Variants in EFCAB5 observed in about 807,000 individuals in gnomAD.
EFCAB5 encodes the protein EF-hand calcium-binding domain-containing protein 5.
A neutral mutation model predicts 167.9 loss-of-function variants in EFCAB5; 131 were observed. The ratio of observed to expected loss-of-function variants is 0.78; its 90% CI spans 0.68 to 0.90. The LOEUF (loss-of-function observed/expected upper bound fraction) is 0.90, where lower values mean the gene tolerates loss of function less well. Among genes scored for constraint, EFCAB5 ranks in the 40% least tolerant of loss-of-function variants. The probability of loss-of-function intolerance (pLI) is 0.00; values close to 1 mark genes in which losing one functional copy is unlikely to be tolerated. For synonymous variants in EFCAB5, 574 were observed against 602.8 expected (o/e 0.95, Z 0.70); for missense variants, 1,663 against 1,745.2 (o/e 0.95, Z 0.84).
intron 8 of EFCAB5, among the ~76,000 whole-genome samples, chr17:30,041,562 A>G (rs561791013): frequency 6.6e-6 from 1 of 152,352 alleles, no homozygotes; most frequent in South Asian, 2.1e-4. Flanking sequence ...TGAAATGACA[A>G]CAAAGGATTT....
intron 14 of EFCAB5, among the ~76,000 whole-genome samples, chr17:30,062,748 T>C (rs2070458566): frequency 6.6e-6 from 1 of 152,122 alleles, no homozygotes; most frequent in Non-Finnish European, 1.5e-5. Context: ...CTGCAAGCAC[T>C]CTTCCACATG....
chr17:29,949,155 A>G (rs1490989414), intron 3 of EFCAB5, among the ~76,000 whole-genome samples: 1 of 152,208 alleles, frequency 6.6e-6, no homozygotes, highest in Non-Finnish European at 1.5e-5. Context: ...TATGAATTAT[A>G]ATTCATTCCT....
intron 7 of EFCAB5, among the ~76,000 whole-genome samples, chr17:30,001,949 G>C (rs779703282): frequency 4.6e-5 from 7 of 152,192 alleles, no homozygotes; most frequent in Non-Finnish European, 7.3e-5. Flanking sequence ...CAGCACATAA[G>C]TGACAGAGCT....
intron 4 of EFCAB5, among the ~76,000 whole-genome samples, chr17:29,989,364 G>T (rs2068361350): frequency 6.6e-6 from 1 of 152,174 alleles, no homozygotes; most frequent in Non-Finnish European, 1.5e-5. Flanking sequence ...TTACGAGTAG[G>T]TTCAATTGCT....
chr17:29,942,645 T>C (rs2067316441), intron 2 of EFCAB5, among the ~76,000 whole-genome samples: 1 of 152,198 alleles, frequency 6.6e-6, no homozygotes, highest in Non-Finnish European at 1.5e-5. Flanking sequence ...ACTTTGTGTT[T>C]AAATAAATAC....
chr17:29,985,722 G>A (rs1484660768), intron 4 of EFCAB5, among the ~76,000 whole-genome samples: 6 of 152,168 alleles, frequency 3.9e-5, no homozygotes, highest in African/African-American at 1.4e-4. Flanking sequence ...CGCCTTAGGT[G>A]GTTTTCCACC....
intron 17 of EFCAB5, among the ~76,000 whole-genome samples, chr17:30,082,390 C>CTTTTTTTTTTTT (rs71138871): frequency 4.1e-5 from 4 of 98,254 alleles, no homozygotes; most frequent in African/African-American, 8.2e-5. Flanking sequence ...CTTTATACCT[C>CTTTTTTTTTTTT]TTTTTTTTTT....
Position 30,090,520 on chromosome 17 carries a change from G to A in EFCAB5, c.3783G>A (p.Glu1261=), listed in dbSNP as rs573288417. 2.5e-6 allele frequency: 4 copies of A among 1,614,004 alleles called. No individual in the cohort carries two copies. The South Asian group carries it at 3.3e-5, about 13-fold the overall frequency. Reference sequence around the variant, plus strand: ...TTCCACTTCGTGAGAGAACAGGAGAGGCTCTGGGAGTCCTCGATTTTAACA... The same window carrying A: ...TTCCACTTCGTGAGAGAACAGGAGAAGCTCTGGGAGTCCTCGATTTTAACA... The part of the protein sequence containing the change: ...IVVPLRERTG[E]ALGVLDFNIG... Residue 1261 remains glutamate, a synonymous_variant, in exon 20 of 23, where the codon GAG becomes GAA. Transcript: ENST00000394835.
intron 7 of EFCAB5, among the ~76,000 whole-genome samples, chr17:30,026,025 G>C: frequency 6.6e-6 from 1 of 151,946 alleles, no homozygotes; most frequent in East Asian, 1.9e-4. Context: ...GTTGTGGGGT[G>C]GGCGGAGGGG....
At chr17:30,038,925 C>T (rs1417924868) in intron 8 of EFCAB5, among the ~76,000 whole-genome samples, 1 of 152,196 alleles carries the variant, frequency 6.6e-6, no homozygotes, top group African/African-American at 2.4e-5. Context: ...CCCACCGCCT[C>T]TTGTGGTGGC....
chr17:30,026,525 G>A lies in EFCAB5; in HGVS notation c.1045-7705G>A, dbSNP rs563222349. On this transcript the variant is annotated intron_variant, in intron 7 of 22. Coordinates refer to ENST00000394835, the MANE Select transcript of EFCAB5 (RefSeq NM_198529.4). ...AGAAAACCACTATAAAAGTATATTT[G>A]TTTTATTCAAACGTCATTAATGTAG... 2.0e-5 allele frequency among the ~76,000 whole-genome samples: 3 copies of A among 152,158 alleles called. No individual in the cohort carries two copies. In the East Asian group the frequency reaches 5.8e-4, roughly 29 times the overall value.
chr17:30,027,331 G>T, intron 7 of EFCAB5, among the ~76,000 whole-genome samples: 1 of 119,568 alleles, frequency 8.4e-6, no homozygotes, highest in East Asian at 2.4e-4. Context: ...GGCACTTTTA[G>T]CTCAGAATAA....
At chr17:29,948,760 C>T (rs904791273) in intron 3 of EFCAB5, among the ~76,000 whole-genome samples, 3 of 152,172 alleles carry the variant, frequency 2.0e-5, no homozygotes, top group African/African-American at 7.2e-5. Context: ...TTCTACTTTT[C>T]AGGCTGAGCT....
rs144174859 is a variant in EFCAB5, at chr17:29,973,641, C to T, written c.767+4274C>T. On this transcript the variant is annotated intron_variant, in intron 4 of 22. Coordinates refer to ENST00000394835, the MANE Select transcript of EFCAB5 (RefSeq NM_198529.4). ...TACAGGCACCCGCCACTACACCCTG[C>T]TAATTTTTGTATTTTTCGTAGAGAC... Among the ~76,000 whole-genome samples the T allele has an allele frequency of 4.1e-3, 624 of 151,620 alleles. 5 individuals are homozygous for T. The highest frequency in any genetic ancestry group is 0.014 in the African/African-American group (593 of 41,422).
intron 19 of EFCAB5, among the ~76,000 whole-genome samples, chr17:30,087,623 A>C (rs536990485): frequency 6.6e-6 from 1 of 152,216 alleles, no homozygotes; most frequent in Admixed American, 6.5e-5. Flanking sequence ...ACATGATCTC[A>C]TTCCTCTTTA....
intron 1 of EFCAB5, among the ~76,000 whole-genome samples, chr17:29,934,042 T>G (rs189170065): frequency 1.3e-5 from 2 of 152,344 alleles, no homozygotes; most frequent in East Asian, 3.9e-4. Flanking sequence ...AAATATTGAA[T>G]TTGTATACAT....
chr17:30,051,599 C>G (rs1480155479), intron 9 of EFCAB5, among the ~76,000 whole-genome samples: 2 of 152,124 alleles, frequency 1.3e-5, no homozygotes, highest in Non-Finnish European at 2.9e-5. Context: ...TCTTCTCACC[C>G]AGGCTGGAGT....
intron 20 of EFCAB5, 115 bp from the exon 21 acceptor site, chr17:30,091,756 G>A (rs1272126987): frequency 5.8e-6 from 7 of 1,209,896 alleles, no homozygotes; most frequent in Non-Finnish European, 7.9e-6. Context: ...GCTATGGTCT[G>A]CTTTTTCTTG....
chr17:30,088,113 C>CT (rs1232859215), intron 19 of EFCAB5, among the ~76,000 whole-genome samples: 2 of 152,118 alleles, frequency 1.3e-5, no homozygotes, highest in Non-Finnish European at 2.9e-5. Flanking sequence ...CATATTTACT[C>CT]TTTTTTTCCC....
Sources: gnomAD v4.1 joint callset for allele counts (sites outside exome capture counted in the v4.1 genomes callset) on GRCh38, gnomAD v4.1.1 for gene constraint, MANE v1.5 for transcripts, NCBI Gene and HGNC (gene_info 2026-07-23, HGNC 2026-07-21) for gene names.